Variants in CACNA2D1 observed in about 807,000 individuals in gnomAD.
CACNA2D1 encodes the protein calcium voltage-gated channel auxiliary subunit alpha2delta 1.
A neutral mutation model predicts 171.5 loss-of-function variants in CACNA2D1; 53 were observed. The observed-to-expected ratio is 0.31, with a 90% CI of 0.25 to 0.39. The LOEUF is 0.39. Among genes scored for constraint, CACNA2D1 ranks in the 10% least tolerant of loss-of-function variants. The probability of loss-of-function intolerance (pLI) is 1.00; values close to 1 mark genes in which losing one functional copy is unlikely to be tolerated. For synonymous variants in CACNA2D1, 442 were observed against 443.1 expected (o/e 1.00, Z 0.03); for missense variants, 903 against 1,299.8 (o/e 0.69, Z 4.69).
chr7:82,180,330 G>A (rs1796990260), intron 3 of CACNA2D1, among the ~76,000 whole-genome samples: 2 of 152,092 alleles, frequency 1.3e-5, no homozygotes, highest in Admixed American at 1.3e-4. Flanking sequence ...ATACACCATA[G>A]GCCCTTGGGT....
chr7:81,985,848 AG>A (rs1438654315), intron 21 of CACNA2D1, among the ~76,000 whole-genome samples: 50 of 152,210 alleles, frequency 3.3e-4, no homozygotes, highest in Non-Finnish European at 7.3e-5. Context: ...TGAAAATCTT[AG>A]GCCAAATTCA....
At chr7:81,994,345 T>C (rs1485823148) in intron 20 of CACNA2D1, among the ~76,000 whole-genome samples, 1 of 152,122 alleles carries the variant, frequency 6.6e-6, no homozygotes, top group Non-Finnish European at 1.5e-5. Flanking sequence ...GGATTTAATT[T>C]CAGATCTAAG....
chr7:82,129,311 C>A (rs1191011820), intron 5 of CACNA2D1, among the ~76,000 whole-genome samples: 1 of 152,154 alleles, frequency 6.6e-6, no homozygotes, highest in Non-Finnish European at 1.5e-5. Context: ...TCTTGGCAGA[C>A]CTGAATGTTT....
chr7:82,184,653 C>T (rs867448478), intron 3 of CACNA2D1, among the ~76,000 whole-genome samples: 5 of 151,982 alleles, frequency 3.3e-5, no homozygotes, highest in South Asian at 2.1e-4. Context: ...TTTAAGCTCT[C>T]GAGTCTCAAG....
chr7:82,176,005 C>A (rs1313076851), intron 3 of CACNA2D1, among the ~76,000 whole-genome samples: 1 of 151,896 alleles, frequency 6.6e-6, no homozygotes. Flanking sequence ...GTCTATAAAA[C>A]CATAGGGTAA....
At chr7:82,348,272 A>G (rs1819469776) in intron 2 of CACNA2D1, among the ~76,000 whole-genome samples, 1 of 152,182 alleles carries the variant, frequency 6.6e-6, no homozygotes, top group Non-Finnish European at 1.5e-5. Context: ...CTTACTACCT[A>G]CACACTTTCA....
At chr7:81,996,342 G>A (rs187790868) in intron 19 of CACNA2D1, among the ~76,000 whole-genome samples, 129 of 152,114 alleles carry the variant, frequency 8.5e-4, no homozygotes, top group Middle Eastern at 6.8e-3. Flanking sequence ...CAAGGCCACC[G>A]TCTAGGGTAA....
At chr7:82,253,522 A>G (rs1017819694) in intron 3 of CACNA2D1, among the ~76,000 whole-genome samples, 5 of 152,230 alleles carry the variant, frequency 3.3e-5, no homozygotes, top group South Asian at 4.1e-4. Context: ...GGTTACAAGG[A>G]AATCTAAAAG....
chr7:82,016,277 C>A (rs1800434998), intron 12 of CACNA2D1, among the ~76,000 whole-genome samples: 1 of 152,114 alleles, frequency 6.6e-6, no homozygotes, highest in Non-Finnish European at 1.5e-5. Context: ...CCTAAACAAT[C>A]ATCAAATGAA....
chr7:82,305,208 T>C (rs1052804244), intron 3 of CACNA2D1, among the ~76,000 whole-genome samples: 3 of 152,186 alleles, frequency 2.0e-5, no homozygotes, highest in African/African-American at 7.2e-5. Flanking sequence ...AAGAGTCTCA[T>C]GCACACATTC....
In CACNA2D1 at chr7:82,152,236, T is replaced by C. The variant is rs550180730; in HGVS notation, c.355-15560A>G. On this transcript the variant is annotated intron_variant, in intron 4 of 38. Transcript: ENST00000356860. The stretch of plus-strand genomic sequence containing the variant: ...CATTTATATTAATATAATTCGCCTA[T>C]TGTCTAGAAATTGTTTAGAGACTGC... Among the ~76,000 whole-genome samples, 430 of 151,856 alleles carry C rather than the reference T, an allele frequency of 2.8e-3. 3 individuals are homozygous for C. The highest frequency in any genetic ancestry group is 1.0e-2 in the African/African-American group (414 of 41,416).
At chr7:81,956,904 A>AGAGAACTC (rs1793444316) in intron 38 of CACNA2D1, among the ~76,000 whole-genome samples, 1 of 152,186 alleles carries the variant, frequency 6.6e-6, no homozygotes, top group South Asian at 2.1e-4. Context: ...AGTATTGAAT[A>AGAGAACTC]GAGAACTCAG....
intron 1 of CACNA2D1, among the ~76,000 whole-genome samples, chr7:82,366,949 G>A (rs1192379918): frequency 4.3e-5 from 5 of 116,956 alleles, no homozygotes; most frequent in Admixed American, 1.2e-4. Context: ...CTCTGTCACC[G>A]AGGCTGGAGT....
chr7:82,193,947 C>A, intron 3 of CACNA2D1, among the ~76,000 whole-genome samples: 1 of 152,044 alleles, frequency 6.6e-6, no homozygotes, highest in Middle Eastern at 3.4e-3. Context: ...TTAAAAGCAT[C>A]ATATCTGTAT....
intron 10 of CACNA2D1, among the ~76,000 whole-genome samples, chr7:82,051,899 C>G (rs1805235492): frequency 1.3e-5 from 2 of 152,174 alleles, no homozygotes; most frequent in African/African-American, 4.8e-5. Flanking sequence ...TGCATTTCAG[C>G]TTTGCTAACA....
intron 12 of CACNA2D1, chr7:82,028,590 C>A (rs59405550): frequency 0.28 from 41,751 of 151,670 alleles, 5,921 homozygotes; most frequent in Middle Eastern, 0.48. Flanking sequence ...GAAAGATCCA[C>A]AATTCTATAT....
At chr7:82,304,495 T>C (rs1298240603) in intron 3 of CACNA2D1, among the ~76,000 whole-genome samples, 1 of 152,072 alleles carries the variant, frequency 6.6e-6, no homozygotes, top group African/African-American at 2.4e-5. Context: ...TGGTAGCATA[T>C]AGACTTAATG....
intron 7 of CACNA2D1, among the ~76,000 whole-genome samples, chr7:82,081,214 T>C (rs1809724641): frequency 6.6e-6 from 1 of 152,192 alleles, no homozygotes; most frequent in South Asian, 2.1e-4. Context: ...TGGTTTAACA[T>C]ACAGTAAACA....
intron 18 of CACNA2D1, among the ~76,000 whole-genome samples, chr7:81,998,045 T>G (rs2130804620): frequency 6.6e-6 from 1 of 152,050 alleles, no homozygotes; most frequent in East Asian, 1.9e-4. Flanking sequence ...ATACTGTTAG[T>G]CTGGCAAATT....
Sources: allele counts gnomAD v4.1 joint callset (sites outside exome capture counted in the v4.1 genomes callset), GRCh38; gene constraint gnomAD v4.1.1; transcripts MANE v1.5; gene names NCBI Gene and HGNC (gene_info 2026-07-23, HGNC 2026-07-21).